NELL1: variants seen among roughly 807,000 people sequenced by gnomAD.
The protein encoded by NELL1 is protein kinase C-binding protein NELL1.
In NELL1, 76 loss-of-function variants were observed where a neutral mutation model predicts 107.4. The ratio of observed to expected loss-of-function variants is 0.71; its 90% CI spans 0.59 to 0.86. The LOEUF (loss-of-function observed/expected upper bound fraction) is 0.86, where lower values mean the gene tolerates loss of function less well. Ranked by LOEUF, NELL1 falls within the 40% of genes least tolerant of loss-of-function variation. The probability of loss-of-function intolerance (pLI) is 0.00; values close to 1 mark genes in which losing one functional copy is unlikely to be tolerated. For missense variants in NELL1, 1,024 were observed against 1,005.5 expected (o/e 1.02, Z -0.25); for synonymous variants, 353 against 341.2 (o/e 1.03, Z -0.38).
intron 2 of NELL1, among the ~76,000 whole-genome samples, chr11:20,729,087 T>C (rs1590239522): frequency 6.6e-6 from 1 of 152,308 alleles, no homozygotes; most frequent in East Asian, 1.9e-4. Flanking sequence ...GATTACATTC[T>C]TGAATTGGCT....
chr11:20,865,525 G>A (rs545675790), intron 4 of NELL1, among the ~76,000 whole-genome samples: 33 of 151,754 alleles, frequency 2.2e-4, no homozygotes, highest in African/African-American at 7.7e-4. Context: ...TGACCTGCAT[G>A]GGCTGCATCT....
At chr11:21,533,978 G>T (rs1156284589) in intron 15 of NELL1, among the ~76,000 whole-genome samples, 2 of 151,896 alleles carry the variant, frequency 1.3e-5, no homozygotes, top group East Asian at 1.9e-4. Flanking sequence ...GAACTTATTT[G>T]TTCATAAAAA....
At chr11:21,041,059 C>A (rs1305514798) in intron 12 of NELL1, among the ~76,000 whole-genome samples, 5 of 152,154 alleles carry the variant, frequency 3.3e-5, no homozygotes, top group Non-Finnish European at 7.3e-5. Flanking sequence ...TTTCTTACAT[C>A]TATAAGCAAG....
intron 15 of NELL1, among the ~76,000 whole-genome samples, chr11:21,415,487 T>C (rs905129809): frequency 6.6e-6 from 1 of 152,262 alleles, no homozygotes; most frequent in East Asian, 1.9e-4. Flanking sequence ...TCTGTATGCA[T>C]CTAGATTAAA....
chr11:20,879,141 C>T (rs991626652), intron 4 of NELL1, among the ~76,000 whole-genome samples: 11 of 152,000 alleles, frequency 7.2e-5, no homozygotes, highest in African/African-American at 2.7e-4. Flanking sequence ...CCCAAGGGTA[C>T]TAGGAAAGCT....
intron 13 of NELL1, among the ~76,000 whole-genome samples, chr11:21,205,410 C>T (rs1208536740): frequency 3.3e-5 from 5 of 152,194 alleles, no homozygotes; most frequent in African/African-American, 7.2e-5. Flanking sequence ...TTGTTTACAC[C>T]GTGAGGGTAA....
At chr11:21,423,613 A>G (rs1852747218) in intron 15 of NELL1, among the ~76,000 whole-genome samples, 2 of 152,182 alleles carry the variant, frequency 1.3e-5, no homozygotes, top group African/African-American at 4.8e-5. Context: ...TGAATAACAC[A>G]ATAAACACAT....
intron 13 of NELL1, among the ~76,000 whole-genome samples, chr11:21,223,923 GT>G (rs1857826832): frequency 6.6e-6 from 1 of 152,094 alleles, no homozygotes; most frequent in Non-Finnish European, 1.5e-5. Flanking sequence ...CTGAAGGTTA[GT>G]TTTTCTGTGT....
At chr11:21,537,106 A>G (rs1856158903) in intron 16 of NELL1, among the ~76,000 whole-genome samples, 1 of 152,154 alleles carries the variant, frequency 6.6e-6, no homozygotes, top group South Asian at 2.1e-4. Context: ...ACTTTTGGGA[A>G]AACATTTGTA....
At chr11:21,433,745 G>A (rs912077484) in intron 15 of NELL1, among the ~76,000 whole-genome samples, 2 of 151,874 alleles carry the variant, frequency 1.3e-5, no homozygotes, top group African/African-American at 4.8e-5. Flanking sequence ...GCTTGATCTC[G>A]GCTCACCACA....
At chr11:20,727,175 G>C (rs965221362) in intron 2 of NELL1, among the ~76,000 whole-genome samples, 3 of 152,178 alleles carry the variant, frequency 2.0e-5, no homozygotes, top group African/African-American at 7.2e-5. Context: ...TCTCCACACT[G>C]TCTTCCACAA....
chr11:21,568,832 C>G (rs894269232), intron 17 of NELL1, among the ~76,000 whole-genome samples: 1 of 150,850 alleles, frequency 6.6e-6, no homozygotes, highest in African/African-American at 2.4e-5. Flanking sequence ...TTCTGGAATA[C>G]CTCCTGAGGA....
chr11:20,812,975 C>G (rs568464316), intron 3 of NELL1, among the ~76,000 whole-genome samples: 19 of 115,276 alleles, frequency 1.6e-4, no homozygotes, highest in African/African-American at 4.9e-4. Context: ...AGCCACTGCA[C>G]TCCAGCCTGG....
chr11:21,336,690 C>CACACACACACAT (rs1453855374), intron 14 of NELL1, among the ~76,000 whole-genome samples: 2 of 149,440 alleles, frequency 1.3e-5, no homozygotes, highest in Admixed American at 6.7e-5. Context: ...CACACACACA[C>CACACACACACAT]ATTAAACAGA....
chr11:21,229,685 A>G, intron 14 of NELL1, among the ~76,000 whole-genome samples: 1 of 152,200 alleles, frequency 6.6e-6, no homozygotes, highest in Non-Finnish European at 1.5e-5. Flanking sequence ...CAGTTACATA[A>G]CTTGATGGCT....
chr11:20,973,857 G>C (rs1046558861), intron 12 of NELL1, among the ~76,000 whole-genome samples: 9 of 152,176 alleles, frequency 5.9e-5, no homozygotes, highest in African/African-American at 2.2e-4. Flanking sequence ...GCCGAATGCT[G>C]AATTTTGTCT....
In NELL1 at chr11:20,769,117, C is replaced by T. The variant is rs529984092; in HGVS notation, c.185-14563C>T. 8.5e-5 allele frequency: 13 copies of T among 152,268 alleles called. No individual in the cohort carries two copies. In the South Asian group the frequency reaches 1.5e-3, roughly 17 times the overall value. The allele number at this position is 152,268 out of a possible 1,614,324, so 9.4% of individuals were successfully genotyped here. On this transcript the variant is annotated intron_variant, in intron 2 of 19. Transcript: ENST00000357134. ...TGAGGAGAGGGGACAGGAGGGGAGGCGAGGAGAGACAAGTGGAGGCAAACT... is the reference window on the plus strand; with the variant it reads ...TGAGGAGAGGGGACAGGAGGGGAGGTGAGGAGAGACAAGTGGAGGCAAACT...
At chr11:20,993,883 C>G (rs1311839020) in intron 12 of NELL1, among the ~76,000 whole-genome samples, 2 of 107,594 alleles carry the variant, frequency 1.9e-5, no homozygotes, top group African/African-American at 7.2e-5. Context: ...ACTGCATTGT[C>G]TTTGTTGCCA....
At chr11:21,421,784 T>C (rs775404809) in intron 15 of NELL1, among the ~76,000 whole-genome samples, 62 of 152,120 alleles carry the variant, frequency 4.1e-4, no homozygotes, top group Non-Finnish European at 4.6e-4. Context: ...AATAAAACTA[T>C]ATCCACAAAG....
Sources: gnomAD v4.1 joint callset for allele counts (sites outside exome capture counted in the v4.1 genomes callset) on GRCh38, gnomAD v4.1.1 for gene constraint, MANE v1.5 for transcripts, NCBI Gene and HGNC (gene_info 2026-07-23, HGNC 2026-07-21) for gene names.